MDGA2: variants seen among roughly 807,000 people sequenced by gnomAD.
MDGA2 encodes MAM domain containing glycosylphosphatidylinositol anchor 2.
A neutral mutation model predicts 117.8 loss-of-function variants in MDGA2; 40 were observed. The ratio of observed to expected loss-of-function variants is 0.34; its 90% CI spans 0.26 to 0.44. The LOEUF (loss-of-function observed/expected upper bound fraction) is 0.44, where lower values mean the gene tolerates loss of function less well. Ranked by LOEUF, MDGA2 falls within the 20% of genes least tolerant of loss-of-function variation. MDGA2 has a pLI of 1.00. For missense variants in MDGA2, 1,123 were observed against 1,250.6 expected, an observed-to-expected ratio of 0.90 and a Z score of 1.54; for synonymous variants, 452 against 439.0, an observed-to-expected ratio of 1.03 and a Z score of -0.37.
At chr14:47,116,691 T>C (rs571841013) in intron 5 of MDGA2, among the ~76,000 whole-genome samples, 1 of 152,142 alleles carries the variant, frequency 6.6e-6, no homozygotes, top group African/African-American at 2.4e-5. Context: ...GTTGGAAATA[T>C]TGGATATCCA....
At chr14:47,438,107 C>T (rs1327968772) in intron 1 of MDGA2, among the ~76,000 whole-genome samples, 4 of 152,082 alleles carry the variant, frequency 2.6e-5, no homozygotes, top group Non-Finnish European at 5.9e-5. Flanking sequence ...GGGTATGATT[C>T]AGAAACATCA....
chr14:47,657,988 A>G (rs2138284404), intron 1 of MDGA2, among the ~76,000 whole-genome samples: 1 of 152,254 alleles, frequency 6.6e-6, no homozygotes, highest in South Asian at 2.1e-4. Context: ...CTCTCATGAC[A>G]TATGTAGGGT....
At chr14:47,639,566 G>A (rs17119000) in intron 1 of MDGA2, among the ~76,000 whole-genome samples, 4,189 of 152,174 alleles carry the variant, frequency 0.028, 117 homozygotes, top group African/African-American at 0.072. Flanking sequence ...GCACAAGTAC[G>A]TCATAACTCC....
At chr14:47,095,003 G>A (rs1427792433) in intron 6 of MDGA2, among the ~76,000 whole-genome samples, 2 of 151,820 alleles carry the variant, frequency 1.3e-5, no homozygotes, top group Non-Finnish European at 2.9e-5. Flanking sequence ...TTCCATATAC[G>A]ATTACTTTGT....
At chr14:47,374,940 T>A (rs1227423865) in intron 1 of MDGA2, among the ~76,000 whole-genome samples, 1 of 152,044 alleles carries the variant, frequency 6.6e-6, no homozygotes, top group Non-Finnish European at 1.5e-5. Flanking sequence ...AACTAATCAT[T>A]TACTTATATT....
chr14:47,597,607 G>C (rs1260437575), intron 1 of MDGA2, among the ~76,000 whole-genome samples: 1 of 151,772 alleles, frequency 6.6e-6, no homozygotes, highest in Non-Finnish European at 1.5e-5. Context: ...TATATTCATT[G>C]CTTATGAATA....
At chr14:47,378,682 A>T (rs950192362) in intron 1 of MDGA2, among the ~76,000 whole-genome samples, 3 of 152,204 alleles carry the variant, frequency 2.0e-5, no homozygotes, top group Non-Finnish European at 4.4e-5. Flanking sequence ...GACTAAAAAA[A>T]ATTGAACAAA....
chr14:47,110,166 C>CAAA (rs5808381), intron 5 of MDGA2, among the ~76,000 whole-genome samples: 78 of 146,948 alleles, frequency 5.3e-4, no homozygotes, highest in African/African-American at 1.8e-3. Flanking sequence ...GCACCACTCC[C>CAAA]AAAAAAAAAA....
intron 1 of MDGA2, among the ~76,000 whole-genome samples, chr14:47,611,476 AC>A (rs1468268606): frequency 6.6e-6 from 1 of 152,238 alleles, no homozygotes; most frequent in East Asian, 1.9e-4. Flanking sequence ...AGGGACTAAT[AC>A]CCAGAATCGA....
intron 15 of MDGA2, 90 bp downstream of exon 15, chr14:46,854,934 T>C: frequency 1.7e-6 from 2 of 1,181,568 alleles, no homozygotes; most frequent in South Asian, 1.8e-5. Flanking sequence ...GTGGAATTTC[T>C]GAATATTCAT....
chr14:47,338,860 C>T (rs1890536840), intron 1 of MDGA2, among the ~76,000 whole-genome samples: 1 of 152,058 alleles, frequency 6.6e-6, no homozygotes, highest in South Asian at 2.1e-4. Flanking sequence ...ACTCCTGAAA[C>T]TTGATGTTAA....
intron 3 of MDGA2, among the ~76,000 whole-genome samples, chr14:47,191,039 A>G (rs1885089971): frequency 6.6e-6 from 1 of 152,046 alleles, no homozygotes; most frequent in Non-Finnish European, 1.5e-5. Context: ...CTTATATTAG[A>G]TTTAGGGAAG....
chr14:47,417,143 A>G (rs1450174874), intron 1 of MDGA2, among the ~76,000 whole-genome samples: 1 of 152,198 alleles, frequency 6.6e-6, no homozygotes, highest in Non-Finnish European at 1.5e-5. Context: ...TTCTATATAA[A>G]TAAGTTGAGA....
chr14:47,593,119 C>T (rs1896472729), intron 1 of MDGA2, among the ~76,000 whole-genome samples: 1 of 152,134 alleles, frequency 6.6e-6, no homozygotes, highest in Non-Finnish European at 1.5e-5. Context: ...AGCCAACAAA[C>T]ACATGAATAA....
At chr14:47,273,159 A>C (rs1415570390) in intron 2 of MDGA2, among the ~76,000 whole-genome samples, 1 of 152,160 alleles carries the variant, frequency 6.6e-6, no homozygotes, top group East Asian at 1.9e-4. Context: ...CAGTTTAAAA[A>C]ATCTTGCAAA....
chr14:47,031,373 A>C (rs2138631214), intron 8 of MDGA2, among the ~76,000 whole-genome samples: 1 of 152,234 alleles, frequency 6.6e-6, no homozygotes, highest in Admixed American at 6.5e-5. Flanking sequence ...AAGTAAAAAT[A>C]TCTTGAAAAT....
chr14:47,366,620 G>T (rs543710963), intron 1 of MDGA2, among the ~76,000 whole-genome samples: 1 of 151,828 alleles, frequency 6.6e-6, no homozygotes, highest in Non-Finnish European at 1.5e-5. Context: ...TAACATATTC[G>T]TCTGTTACAA....
chr14:47,443,228 C>T (rs1217108939), intron 1 of MDGA2, among the ~76,000 whole-genome samples: 1 of 152,092 alleles, frequency 6.6e-6, no homozygotes, highest in East Asian at 1.9e-4. Flanking sequence ...TGCTGTTCCA[C>T]CTCAGACTGC....
intron 1 of MDGA2, among the ~76,000 whole-genome samples, chr14:47,373,121 T>A (rs1891401892): frequency 6.6e-6 from 1 of 152,080 alleles, no homozygotes; most frequent in Non-Finnish European, 1.5e-5. Context: ...GAATATGGAA[T>A]GACATAAACT....
Sources: gnomAD v4.1 joint callset for allele counts (sites outside exome capture counted in the v4.1 genomes callset) on GRCh38, gnomAD v4.1.1 for gene constraint, MANE v1.5 for transcripts, NCBI Gene and HGNC (gene_info 2026-07-23, HGNC 2026-07-21) for gene names.